INPP4B: variants seen among roughly 807,000 people sequenced by gnomAD.
The protein encoded by INPP4B is inositol polyphosphate 4-phosphatase type II.
A neutral mutation model predicts 122.5 loss-of-function variants in INPP4B; 55 were observed. The ratio of observed to expected loss-of-function variants is 0.45; its 90% CI spans 0.36 to 0.56. The LOEUF (loss-of-function observed/expected upper bound fraction) is 0.56, where lower values mean the gene tolerates loss of function less well. INPP4B is among the 20% of genes least tolerant of loss of function. The pLI is 0.00. For missense variants in INPP4B, 1,000 were observed against 1,097.7 expected, an observed-to-expected ratio of 0.91 and a Z score of 1.26; for synonymous variants, 403 against 388.7, an observed-to-expected ratio of 1.04 and a Z score of -0.43.
At chr4:142,106,395 C>T (rs751051406) in intron 23 of INPP4B, among the ~76,000 whole-genome samples, 1 of 152,148 alleles carries the variant, frequency 6.6e-6, no homozygotes, top group Non-Finnish European at 1.5e-5. Context: ...ACTCCCACCC[C>T]TCAGCGTCCT....
At chr4:142,155,939 T>C (rs1302147316) in intron 17 of INPP4B, among the ~76,000 whole-genome samples, 3 of 148,912 alleles carry the variant, frequency 2.0e-5, no homozygotes, top group African/African-American at 7.3e-5. Flanking sequence ...ATTGAAAAAT[T>C]AATATGGATG....
intron 2 of INPP4B, among the ~76,000 whole-genome samples, chr4:142,687,671 A>C (rs977393418): frequency 5.3e-5 from 8 of 152,004 alleles, no homozygotes; most frequent in Non-Finnish European, 7.4e-5. Flanking sequence ...GGGAGATAAC[A>C]GTCAGAAAGA....
At chr4:142,089,389 T>C (rs1162100372) in intron 23 of INPP4B, among the ~76,000 whole-genome samples, 1 of 152,022 alleles carries the variant, frequency 6.6e-6, no homozygotes, top group East Asian at 1.9e-4. Context: ...AGCAATACTT[T>C]ATTATGTATT....
intron 1 of INPP4B, among the ~76,000 whole-genome samples, chr4:142,780,399 A>T (rs943840646): frequency 3.9e-5 from 6 of 152,204 alleles, no homozygotes; most frequent in African/African-American, 1.4e-4. Context: ...CAAAATACGA[A>T]ATGATGGAAG....
chr4:142,765,137 T>C (rs1249669584), intron 1 of INPP4B, among the ~76,000 whole-genome samples: 1 of 152,140 alleles, frequency 6.6e-6, no homozygotes, highest in Non-Finnish European at 1.5e-5. Context: ...TGTCATGGCA[T>C]TCTGCAACAA....
At chr4:142,737,659 A>G (rs1340868375) in intron 1 of INPP4B, among the ~76,000 whole-genome samples, 2 of 152,226 alleles carry the variant, frequency 1.3e-5, no homozygotes, top group African/African-American at 4.8e-5. Context: ...AGAAACTACC[A>G]TCAGACTGAA....
chr4:142,303,220 A>G (rs750487936), intron 9 of INPP4B, among the ~76,000 whole-genome samples: 1 of 152,160 alleles, frequency 6.6e-6, no homozygotes, highest in Non-Finnish European at 1.5e-5. Context: ...CGGTCGAATT[A>G]GTTTGAGAGT....
chr4:142,350,618 T>C (rs1401602016), intron 7 of INPP4B, among the ~76,000 whole-genome samples: 1 of 152,020 alleles, frequency 6.6e-6, no homozygotes, highest in Non-Finnish European at 1.5e-5. Flanking sequence ...GTGGTGTAAA[T>C]TTCAAGTACC....
At chr4:142,217,224 C>T (rs753970827) in intron 12 of INPP4B, among the ~76,000 whole-genome samples, 128 of 152,112 alleles carry the variant, frequency 8.4e-4, no homozygotes, top group Non-Finnish European at 4.9e-4. Context: ...TTTAAAGCTT[C>T]TATTTAAAAC....
At chr4:142,555,870 CAA>C (rs554216004) in intron 2 of INPP4B, among the ~76,000 whole-genome samples, 5 of 125,598 alleles carry the variant, frequency 4.0e-5, no homozygotes, top group Admixed American at 2.6e-4. Context: ...GACTCTGTCT[CAA>C]AAAAAAAAAA....
intron 23 of INPP4B, among the ~76,000 whole-genome samples, chr4:142,099,116 T>C (rs1052749622): frequency 1.3e-5 from 2 of 152,136 alleles, no homozygotes; most frequent in African/African-American, 4.8e-5. Context: ...CAATGCAGGC[T>C]CTTGACAGAA....
chr4:142,739,206 T>C (rs962246252), intron 1 of INPP4B, among the ~76,000 whole-genome samples: 5 of 152,132 alleles, frequency 3.3e-5, no homozygotes, highest in African/African-American at 1.2e-4. Flanking sequence ...TCTATGTTGG[T>C]AAGTGCTTAT....
intron 25 of INPP4B, among the ~76,000 whole-genome samples, chr4:142,051,629 T>A (rs2152394041): frequency 6.6e-6 from 1 of 152,150 alleles, no homozygotes; most frequent in South Asian, 2.1e-4. Flanking sequence ...TTTCTCTTGG[T>A]ACACACATTT....
chr4:142,126,667 T>A (rs990832462), intron 18 of INPP4B, among the ~76,000 whole-genome samples: 12 of 152,090 alleles, frequency 7.9e-5, no homozygotes, highest in African/African-American at 2.9e-4. Context: ...TTGGACAAAC[T>A]TATAGGCAGC....
intron 5 of INPP4B, among the ~76,000 whole-genome samples, chr4:142,414,272 T>C (rs1005254489): frequency 6.6e-6 from 1 of 152,162 alleles, no homozygotes; most frequent in Non-Finnish European, 1.5e-5. Context: ...TGTGTGTGTG[T>C]TAAATAGAAA....
upstream of INPP4B, chr4:142,846,350 C>A (rs1784200671): frequency 6.6e-6 from 1 of 152,272 alleles, no homozygotes; most frequent in Non-Finnish European, 1.5e-5. This position sits in a 1 kb window ranked among gnomAD's most constrained non-coding sequence, Gnocchi z 5.1. Context: ...GCCTCAGTAC[C>A]CGGGGCTGAG....
chr4:142,584,769 A>C (rs912674660), intron 2 of INPP4B, among the ~76,000 whole-genome samples: 1 of 152,032 alleles, frequency 6.6e-6, no homozygotes, highest in Non-Finnish European at 1.5e-5. Flanking sequence ...GGAAAAAAAA[A>C]GTCAGTAAGT....
chr4:142,629,706 G>A (rs1462514314), intron 2 of INPP4B, among the ~76,000 whole-genome samples: 2 of 152,120 alleles, frequency 1.3e-5, no homozygotes, highest in Non-Finnish European at 2.9e-5. Context: ...GAATTAAGGT[G>A]TGAGGGGGCA....
At chr4:142,317,269 C>G (rs1446004888) in intron 7 of INPP4B, 1 of 356,506 alleles carries the variant, frequency 2.8e-6, no homozygotes, top group Non-Finnish European at 5.6e-6. Flanking sequence ...CAACAAACTA[C>G]CAAAACCGCA....
Sources: gnomAD v4.1 joint callset for allele counts (sites outside exome capture counted in the v4.1 genomes callset) on GRCh38, gnomAD v4.1.1 for gene constraint, Gnocchi (gnomAD v3.1) non-coding constraint, MANE v1.5 for transcripts, NCBI Gene and HGNC (gene_info 2026-07-23, HGNC 2026-07-21) for gene names.